SAGE1: variants seen among roughly 807,000 people sequenced by gnomAD.
SAGE1 encodes the protein cancer/testis antigen 14.
Under a neutral mutation model 55.4 loss-of-function variants are expected in SAGE1, and 55 were observed. That is an observed-to-expected ratio of 0.99 (90% CI 0.80 to 1.24). SAGE1 has a LOEUF of 1.24. Among genes scored for constraint, SAGE1 ranks in the 50% most tolerant of loss-of-function variants. The pLI, the probability that SAGE1 is intolerant of heterozygous loss-of-function variation, is 0.00. For missense variants in SAGE1, 710 were observed against 704.4 expected, an observed-to-expected ratio of 1.01 and a Z score of -0.09; for synonymous variants, 240 against 244.3, an observed-to-expected ratio of 0.98 and a Z score of 0.17.
rs1345948018 is a variant in SAGE1 at position 135,906,531 on chromosome X, C to T, written c.716C>T (p.Pro239Leu). The change falls in exon 7 of 20, where the codon CCC becomes CTC. Residue 239 changes from proline to leucine, a missense_variant. Pro to Leu is a moderately conservative substitution (Grantham distance 98). Transcript: ENST00000370709. ...AATATGACAGACACTGGTATTTCAC[C>T]CATGAGTACCAGGGATCCATGTAAG... is the stretch of plus-strand genomic sequence containing the variant. The part of the protein sequence containing the change: ...RINMTDTGIS[P>L]MSTRDPYATI... 1 of 1,202,518 alleles carries T rather than the reference C, an allele frequency of 8.3e-7. No homozygotes were observed. Among genetic ancestry groups the T allele is most frequent in the African/African-American group, 1.7e-5 (1 of 57,167 alleles).
At chrX:135,896,914 A>G (rs1327637153) in intron 2 of SAGE1, among the ~76,000 whole-genome samples, 3 of 111,693 alleles carry the variant, frequency 2.7e-5, no homozygotes, top group Admixed American at 1.9e-4. Flanking sequence ...GCAGATATGT[A>G]TTACTATCTA....
In SAGE1 at chrX:135,912,899, TG is replaced by T; in HGVS notation, c.*3del. 1.8e-6 allele frequency: 2 copies of T among 1,139,885 alleles called. No individual in the cohort carries two copies. The highest frequency in any genetic ancestry group is 2.4e-6 in the Non-Finnish European group (2 of 831,829). The allele number at this position is 1,139,885 out of a possible 1,213,427, so 93.9% of individuals were successfully genotyped here. A position where few individuals can be genotyped will look rare whatever the true frequency, so the allele number is the denominator to read the frequency against. Reference sequence around the variant, plus strand: ...GTTAAGCACATGAGAAAAAGATAATTGTGTTAGTGCAAAGACCAAGGAGAAA... The same window carrying T: ...GTTAAGCACATGAGAAAAAGATAATTTGTTAGTGCAAAGACCAAGGAGAAA... On this transcript the variant is annotated 3_prime_UTR_variant, in exon 20 of 20. Coordinates refer to ENST00000370709, the MANE Select transcript of SAGE1 (RefSeq NM_001381902.1).
intron 13 of SAGE1, 118 bp from the exon 14 acceptor site, chrX:135,909,521 T>C (rs1329067521): frequency 6.7e-6 from 5 of 742,607 alleles, no homozygotes; most frequent in Non-Finnish European, 9.7e-6. Context: ...GATCACCACC[T>C]GTTATAGCCT....
chrX:135,912,278 A>G (rs1556606966), intron 18 of SAGE1, 43 bp from the exon 19 acceptor site: 2 of 1,176,452 alleles, frequency 1.7e-6, no homozygotes. Context: ...GGTATATTTC[A>G]TTTTTGTAAT....
At position 135,912,883 on chromosome X, in the gene SAGE1, A is replaced by T; in HGVS notation, c.2701A>T (p.Met901Leu). 8.4e-7 allele frequency: 1 copy of T among 1,188,995 alleles called. No homozygotes were observed. The highest frequency in any genetic ancestry group is 1.1e-6 in the Non-Finnish European group (1 of 875,480). Residue 901 changes from methionine (M) to leucine (L), a missense_variant, in exon 20 of 20, where the codon ATG becomes TTG. Met to Leu is a conservative substitution (Grantham distance 15). Transcript: ENST00000370709. ...SHCHLRKVKH[M>L]RKR The stretch of plus-strand genomic sequence containing the variant: ...CTGCCATCTCAGAAAAGTTAAGCAC[A>T]TGAGAAAAAGATAATTGTGTTAGTG...
chrX:135,900,137 T>C (rs782298785), intron 2 of SAGE1, among the ~76,000 whole-genome samples: 2 of 111,194 alleles, frequency 1.8e-5, no homozygotes, highest in Non-Finnish European at 3.8e-5. Context: ...GTTTGTCATA[T>C]ATGGCTCTTA....
chrX:135,896,276 A>G lies in SAGE1; in HGVS notation c.34A>G (p.Thr12Ala), dbSNP rs1449134353. Residue 12 changes from threonine (T) to alanine (A), a missense_variant, in exon 2 of 20, where the codon ACT (threonine) becomes GCT (alanine). Thr to Ala is a moderately conservative substitution (Grantham distance 58). Coordinates refer to ENST00000370709, the MANE Select transcript of SAGE1 (RefSeq NM_001381902.1). ...QASPLQTSQP[T>A]PPEELHAAAY... ...TTCTCCACTTCAAACGAGTCAACCA[A>G]CTCCACCTGAAGAACTTCATGCTGC... is the stretch of plus-strand genomic sequence containing the variant. The G allele has an allele frequency of 1.7e-6, 2 of 1,204,621 alleles. No homozygotes were observed. The highest frequency in any genetic ancestry group is 2.2e-5 in the Admixed American group (1 of 45,748).
intron 16 of SAGE1, 122 bp downstream of exon 16, chrX:135,910,677 T>C: frequency 1.6e-6 from 1 of 617,646 alleles, no homozygotes. Context: ...GGGTATCATA[T>C]GTCCACCTGG....
At chrX:135,898,334 T>A (rs1556594955) in intron 2 of SAGE1, among the ~76,000 whole-genome samples, 1 of 112,719 alleles carries the variant, frequency 8.9e-6, no homozygotes, top group African/African-American at 3.2e-5. Context: ...CATTCCTTTT[T>A]ATGGCTGCAT....
chrX:135,904,610 A>G, intron 4 of SAGE1, 41 bp downstream of exon 4: 1 of 895,652 alleles, frequency 1.1e-6, no homozygotes, highest in Non-Finnish European at 1.6e-6. Flanking sequence ...TGAGTATGAA[A>G]TTCATCCATG....
chrX:135,902,703 G>A (rs1282937366), intron 3 of SAGE1, among the ~76,000 whole-genome samples: 5 of 111,924 alleles, frequency 4.5e-5, no homozygotes. Flanking sequence ...CTTTTACTTA[G>A]TAGTTCTAGT....
intron 12 of SAGE1, 25 bp from the exon 13 acceptor site, chrX:135,908,839 C>A: frequency 8.3e-7 from 1 of 1,206,829 alleles, no homozygotes; most frequent in Non-Finnish European, 1.1e-6. Flanking sequence ...TACCTCACAG[C>A]TTGACCTCTC....
rs782606076 is a variant in SAGE1 at position 135,912,849 on chromosome X, A to C, written c.2667A>C (p.Ile889=). The change falls in exon 20 of 20, where the codon ATA becomes ATC. Residue 889 remains isoleucine (I), a synonymous_variant. Coordinates refer to ENST00000370709, the MANE Select transcript of SAGE1 (RefSeq NM_001381902.1). ...AACTCGAGAAGGCGCTTAAAGAAAT[A>C]GATTCCCACTGCCATCTCAGAAAAG... ...IQQLEKALKE[I]DSHCHLRKVK... is the part of the protein sequence containing the mutation. 1 of 1,207,696 alleles carries C rather than the reference A, an allele frequency of 8.3e-7. No individual in the cohort carries two copies. The highest frequency in any genetic ancestry group is 1.1e-6 in the Non-Finnish European group (1 of 893,537).
In SAGE1 at chrX:135,911,900, T is replaced by C; in HGVS notation, c.2468T>C (p.Ile823Thr). The change falls in exon 18 of 20, where the codon ATT becomes ACT. Residue 823 changes from isoleucine (I) to threonine (T), a missense_variant. Coordinates refer to ENST00000370709, the MANE Select transcript of SAGE1 (RefSeq NM_001381902.1). ...ATATCTCCTGCCATGGCAAAGAAAA[T>C]TAATGATGATATAAAATATCAATTA... The part of the protein sequence containing the change: ...PQISPAMAKK[I>T]NDDIKYQLMK... The C allele has an allele frequency of 8.3e-7, 1 of 1,210,042 alleles. No individual in the cohort carries two copies. The highest frequency in any genetic ancestry group is 3.0e-5 in the East Asian group (1 of 33,839).
In SAGE1 at chrX:135,906,501, G is replaced by T. The variant is rs781926163; in HGVS notation, c.686G>T (p.Arg229Leu). Residue 229 changes from arginine (R) to leucine (L), a missense_variant, in exon 7 of 20, where the codon CGT (arginine) becomes CTT (leucine). Transcript: ENST00000370709. ...DNVLLTLRPRRINMTDTGISP... is the reference protein window; with the variant it reads ...DNVLLTLRPRLINMTDTGISP... The stretch of plus-strand genomic sequence containing the variant: ...GTGTTGTTGACTCTTCGACCACGGC[G>T]TATTAATATGACAGACACTGGTATT... 10 of 1,208,974 alleles carry T rather than the reference G, an allele frequency of 8.3e-6. No homozygotes were observed. Among genetic ancestry groups the T allele is most frequent in the Non-Finnish European group, 1.0e-5 (9 of 894,102 alleles).
At chrX:135,908,402 A>G (rs1556603533) in intron 11 of SAGE1, 75 bp from the exon 12 acceptor site, 1 of 1,095,218 alleles carries the variant, frequency 9.1e-7, no homozygotes, top group African/African-American at 1.8e-5. Flanking sequence ...GAAACTGAGC[A>G]TCAGAGGGAT....
chrX:135,907,169 C>T (rs1556602166), intron 8 of SAGE1, 103 bp downstream of exon 8: 2 of 1,041,481 alleles, frequency 1.9e-6, no homozygotes, highest in Non-Finnish European at 2.6e-6. Context: ...ATCTTGAGCT[C>T]AATTTGAGGG....
intron 19 of SAGE1, 100 bp from the exon 20 acceptor site, chrX:135,912,698 G>T (rs1402186026): frequency 3.6e-6 from 4 of 1,121,294 alleles, no homozygotes; most frequent in Non-Finnish European, 4.7e-6. Flanking sequence ...TTTTCTGTTT[G>T]CATGTAGATG....
At chrX:135,910,198 A>G (rs1355382268) in intron 15 of SAGE1, 28 bp downstream of exon 15, 2 of 1,182,651 alleles carry the variant, frequency 1.7e-6, no homozygotes, top group African/African-American at 1.8e-5. Flanking sequence ...TTGTACTGTC[A>G]TACTTGGTTT....
Sources: gnomAD v4.1 joint callset for allele counts (sites outside exome capture counted in the v4.1 genomes callset) on GRCh38, gnomAD v4.1.1 for gene constraint, MANE v1.5 for transcripts, NCBI Gene and HGNC (gene_info 2026-07-23, HGNC 2026-07-21) for gene names.